The following LPP variants were observed in gnomAD, a reference collection of about 807,000 sequenced individuals.
LPP encodes LIM domain containing preferred translocation partner in lipoma, also known as lipoma-preferred partner.
A neutral mutation model predicts 60.4 loss-of-function variants in LPP; 38 were observed. The ratio of observed to expected loss-of-function variants is 0.63; its 90% CI spans 0.49 to 0.83. The LOEUF is 0.83. Ranked by LOEUF, LPP falls within the 40% of genes least tolerant of loss-of-function variation. LPP has a pLI of 0.00. For synonymous variants in LPP, 328 were observed against 290.8 expected (o/e 1.13, Z -1.30); for missense variants, 902 against 783.6 (o/e 1.15, Z -1.80).
intron 7 of LPP, among the ~76,000 whole-genome samples, chr3:188,671,419 C>G (rs1856929891): frequency 6.6e-6 from 1 of 152,146 alleles, no homozygotes; most frequent in African/African-American, 2.4e-5. Flanking sequence ...TTCAGTTTAT[C>G]AAACTTCAAT....
chr3:188,262,695 C>A (rs1577666044), intron 2 of LPP, among the ~76,000 whole-genome samples: 1 of 148,672 alleles, frequency 6.7e-6, no homozygotes, highest in Non-Finnish European at 1.5e-5. Context: ...TTCTTTCTCT[C>A]TCTCCTCTCT....
intron 1 of LPP, among the ~76,000 whole-genome samples, chr3:188,211,104 TG>T (rs922668939): frequency 3.3e-5 from 5 of 152,334 alleles, no homozygotes; most frequent in African/African-American, 1.2e-4. Context: ...AATGACCCTT[TG>T]GATAGACCAA....
chr3:188,836,738 A>T (rs1452011672), intron 9 of LPP, among the ~76,000 whole-genome samples: 2 of 152,214 alleles, frequency 1.3e-5, no homozygotes, highest in Non-Finnish European at 2.9e-5. Flanking sequence ...GTCCAAATAA[A>T]TATAAATTAA....
intron 7 of LPP, among the ~76,000 whole-genome samples, chr3:188,707,210 T>G (rs913335638): frequency 1.6e-4 from 24 of 152,146 alleles, no homozygotes; most frequent in African/African-American, 5.6e-4. Flanking sequence ...TTTGGTTACA[T>G]GGATGGGTTC....
intron 1 of LPP, among the ~76,000 whole-genome samples, chr3:188,208,883 C>T (rs1733985284): frequency 1.3e-5 from 2 of 152,188 alleles, no homozygotes; most frequent in African/African-American, 4.8e-5. Context: ...CGAATGACCT[C>T]ACTGCTTTTT....
At chr3:188,467,683 G>A (rs879626187) in intron 4 of LPP, among the ~76,000 whole-genome samples, 1 of 152,104 alleles carries the variant, frequency 6.6e-6, no homozygotes, top group Non-Finnish European at 1.5e-5. Flanking sequence ...GGACAGAGGA[G>A]GTCTTTGAAG....
chr3:188,530,678 T>G (rs1821945875), intron 6 of LPP, among the ~76,000 whole-genome samples: 1 of 152,208 alleles, frequency 6.6e-6, no homozygotes, highest in South Asian at 2.1e-4. Flanking sequence ...TGGTTTCCTT[T>G]AGTATCACAA....
At chr3:188,319,666 G>T (rs1179487510) in intron 2 of LPP, among the ~76,000 whole-genome samples, 1 of 152,180 alleles carries the variant, frequency 6.6e-6, no homozygotes, top group African/African-American at 2.4e-5. Context: ...TGAAGCTGGT[G>T]AGCTAGACTA....
chr3:188,314,597 CTG>C (rs34621159), intron 2 of LPP, among the ~76,000 whole-genome samples: 44 of 149,700 alleles, frequency 2.9e-4, no homozygotes, highest in African/African-American at 5.4e-4. Flanking sequence ...TTTGAAAATT[CTG>C]TGTGTGTGTG....
chr3:188,823,623 TA>T (rs1560255096), intron 9 of LPP, among the ~76,000 whole-genome samples: 1 of 152,224 alleles, frequency 6.6e-6, no homozygotes, highest in African/African-American at 2.4e-5. Flanking sequence ...TGGCAATCTA[TA>T]ACTGCTTTAG....
intron 6 of LPP, among the ~76,000 whole-genome samples, chr3:188,583,746 G>T (rs528058652): frequency 6.6e-6 from 1 of 152,326 alleles, no homozygotes; most frequent in Non-Finnish European, 1.5e-5. Context: ...TAGTGTGACT[G>T]TCTCGCCAGT....
At chr3:188,754,971 T>G (rs1729658721) in intron 8 of LPP, among the ~76,000 whole-genome samples, 1 of 152,214 alleles carries the variant, frequency 6.6e-6, no homozygotes, top group African/African-American at 2.4e-5. Flanking sequence ...TAGCCATATG[T>G]AGGATAAACT....
chr3:188,731,775 G>A (rs1720706591), intron 8 of LPP, among the ~76,000 whole-genome samples: 1 of 152,106 alleles, frequency 6.6e-6, no homozygotes, highest in South Asian at 2.1e-4. Flanking sequence ...ACCCACCTCA[G>A]CCTCCAAAAG....
chr3:188,831,732 G>A (rs1249971953), intron 9 of LPP, among the ~76,000 whole-genome samples: 1 of 152,178 alleles, frequency 6.6e-6, no homozygotes, highest in Non-Finnish European at 1.5e-5. Flanking sequence ...ATCACACAGT[G>A]AGTCTATAGG....
intron 9 of LPP, among the ~76,000 whole-genome samples, chr3:188,825,436 T>C (rs1453306597): frequency 6.6e-6 from 1 of 152,024 alleles, no homozygotes; most frequent in African/African-American, 2.4e-5. Flanking sequence ...GGTTAACTAG[T>C]CAACTCGAGA....
chr3:188,596,046 G>A (rs533677947), intron 6 of LPP, among the ~76,000 whole-genome samples: 1 of 152,236 alleles, frequency 6.6e-6, no homozygotes, highest in East Asian at 1.9e-4. Flanking sequence ...TGCTGAACCT[G>A]CTCGCAATTT....
At chr3:188,638,851 C>G (rs1254105499) in intron 7 of LPP, among the ~76,000 whole-genome samples, 3 of 150,822 alleles carry the variant, frequency 2.0e-5, no homozygotes, top group Non-Finnish European at 4.4e-5. Flanking sequence ...AACCACTGCT[C>G]AAGGAAATAA....
At chr3:188,402,982 AG>A (rs761557259) in intron 3 of LPP, among the ~76,000 whole-genome samples, 1 of 152,200 alleles carries the variant, frequency 6.6e-6, no homozygotes, top group Non-Finnish European at 1.5e-5. Context: ...AGCATGAGCA[AG>A]GGTTCAGAAT....
At chr3:188,403,396 A>C (rs1255661190) in intron 3 of LPP, among the ~76,000 whole-genome samples, 1 of 152,202 alleles carries the variant, frequency 6.6e-6, no homozygotes, top group Non-Finnish European at 1.5e-5. Flanking sequence ...TCAACCTTTT[A>C]TTATAAAATG....
Sources: gnomAD v4.1 joint callset for allele counts (sites outside exome capture counted in the v4.1 genomes callset) on GRCh38, gnomAD v4.1.1 for gene constraint, MANE v1.5 for transcripts, NCBI Gene and HGNC (gene_info 2026-07-23, HGNC 2026-07-21) for gene names.